CNOT10: variants seen among roughly 807,000 people sequenced by gnomAD.
The protein encoded by CNOT10 is CCR4-NOT transcription complex subunit 10, also known as CCR4-NOT transcription complex, subunit 10.
Under a neutral mutation model 94.6 loss-of-function variants are expected in CNOT10, and 30 were observed. That is an observed-to-expected ratio of 0.32 (90% CI 0.24 to 0.43). The LOEUF is 0.43. Ranked by LOEUF, CNOT10 falls within the 20% of genes least tolerant of loss-of-function variation. CNOT10 has a pLI of 1.00. For missense variants in CNOT10, 759 were observed against 877.2 expected (o/e 0.87, Z 1.70); for synonymous variants, 289 against 301.6 (o/e 0.96, Z 0.43).
intron 5 of CNOT10, 137 bp from the exon 6 acceptor site, chr3:32,716,088 T>G: frequency 2.0e-6 from 1 of 499,634 alleles, no homozygotes; most frequent in East Asian, 3.4e-5. Flanking sequence ...ATTACAGGCA[T>G]GAACCACCAT....
intron 13 of CNOT10, chr3:32,753,559 G>A (rs907729345): frequency 5.7e-6 from 9 of 1,586,030 alleles, no homozygotes; most frequent in Non-Finnish European, 6.9e-6. Flanking sequence ...GCCAGAGGCT[G>A]TGAGATGGGA....
At chr3:32,755,256 AGAAAG>A (rs1269435335) in intron 13 of CNOT10, among the ~76,000 whole-genome samples, 1 of 151,506 alleles carries the variant, frequency 6.6e-6, no homozygotes, top group Non-Finnish European at 1.5e-5. Flanking sequence ...CAAAAAAAAA[AGAAAG>A]AAAAGAAATT....
chr3:32,697,587 C>T (rs537020821), intron 1 of CNOT10, among the ~76,000 whole-genome samples: 3 of 152,288 alleles, frequency 2.0e-5, no homozygotes, highest in South Asian at 4.1e-4. Flanking sequence ...TATCCCACCT[C>T]ACCTCCCCAA....
chr3:32,724,779 G>C (rs190513244), intron 8 of CNOT10, among the ~76,000 whole-genome samples: 4 of 150,302 alleles, frequency 2.7e-5, no homozygotes, highest in Admixed American at 6.6e-5. Context: ...GGCTAGTCTC[G>C]AACTCCTGAC....
At chr3:32,686,546 C>T (rs572988912) in intron 1 of CNOT10, among the ~76,000 whole-genome samples, 2 of 152,178 alleles carry the variant, frequency 1.3e-5, no homozygotes, top group Admixed American at 1.3e-4. Flanking sequence ...AAGGAATGTG[C>T]TGTGAAATTT....
chr3:32,720,664 T>C (rs1319761047), intron 8 of CNOT10, among the ~76,000 whole-genome samples: 1 of 151,874 alleles, frequency 6.6e-6, no homozygotes, highest in African/African-American at 2.4e-5. Flanking sequence ...GGCTTATTTA[T>C]TGTAGAAACA....
intron 4 of CNOT10, among the ~76,000 whole-genome samples, chr3:32,711,551 G>A (rs545191189): frequency 1.3e-5 from 2 of 152,114 alleles, no homozygotes; most frequent in Non-Finnish European, 2.9e-5. Flanking sequence ...ATGAAGTAAA[G>A]CTAAAATTGA....
At chr3:32,716,353 T>A (rs1427581023) in intron 6 of CNOT10, 42 bp downstream of exon 6, 1 of 955,458 alleles carries the variant, frequency 1.0e-6, no homozygotes. Context: ...CACATATATT[T>A]AATTGTAGTT....
At chr3:32,758,366 G>A (rs963249176) in intron 13 of CNOT10, among the ~76,000 whole-genome samples, 1 of 152,128 alleles carries the variant, frequency 6.6e-6, no homozygotes, top group Non-Finnish European at 1.5e-5. Context: ...AAATTCTAGG[G>A]TAGTTTTCTA....
intron 18 of CNOT10, among the ~76,000 whole-genome samples, chr3:32,773,026 C>T (rs940323164): frequency 1.3e-5 from 2 of 152,084 alleles, no homozygotes; most frequent in African/African-American, 4.8e-5. Context: ...CCACCATGCC[C>T]AGCTAATTTT....
chr3:32,728,741 C>T (rs1698797533), intron 10 of CNOT10, among the ~76,000 whole-genome samples: 1 of 152,188 alleles, frequency 6.6e-6, no homozygotes, highest in Admixed American at 6.5e-5. Flanking sequence ...GGTCTGCTAG[C>T]TGCTCCAGGG....
At chr3:32,711,715 A>T (rs992476794) in intron 4 of CNOT10, among the ~76,000 whole-genome samples, 1 of 152,224 alleles carries the variant, frequency 6.6e-6, no homozygotes, top group South Asian at 2.1e-4. Flanking sequence ...GTAATGGGAT[A>T]TGGAGAAGAC....
At position 32,704,851 on chromosome 3, in the gene CNOT10, T is replaced by C; in HGVS notation, c.158T>C (p.Leu53Pro). The change falls in exon 3 of 19, where the codon CTA becomes CCA. Residue 53 changes from leucine to proline, a missense_variant. This residue lies in a region of CNOT10 where 682 missense variants were observed against 799.4 expected (regional missense o/e 0.85). Coordinates refer to ENST00000328834, the MANE Select transcript of CNOT10 (RefSeq NM_015442.3). Reference protein sequence around the residue: ...YDACLQHLACLQDINKDDYKI... With the variant: ...YDACLQHLACPQDINKDDYKI... Reference sequence around the variant, plus strand: ...GCCTGTCTACAACACCTTGCCTGTCTACAAGATATAAACAAAGATGATTAT... The same window carrying C: ...GCCTGTCTACAACACCTTGCCTGTCCACAAGATATAAACAAAGATGATTAT... 1 of 1,572,670 alleles carries C rather than the reference T, an allele frequency of 6.4e-7. No individual in the cohort carries two copies. The highest frequency in any genetic ancestry group is 2.3e-5 in the East Asian group (1 of 43,370).
chr3:32,713,141 C>A, intron 4 of CNOT10, 86 bp from the exon 5 acceptor site: 1 of 1,083,984 alleles, frequency 9.2e-7, no homozygotes, highest in Non-Finnish European at 1.3e-6. Flanking sequence ...CTATTTAAAG[C>A]TTTGTATACT....
At chr3:32,729,189 C>A (rs1295305660) in intron 10 of CNOT10, among the ~76,000 whole-genome samples, 2 of 152,176 alleles carry the variant, frequency 1.3e-5, no homozygotes, top group African/African-American at 4.8e-5. Context: ...GTAAATGATA[C>A]AGAGTTTATG....
chr3:32,701,558 T>C (rs1350583095), intron 1 of CNOT10, among the ~76,000 whole-genome samples: 1 of 152,170 alleles, frequency 6.6e-6, no homozygotes, highest in Non-Finnish European at 1.5e-5. Flanking sequence ...TCCCCCTTGC[T>C]GTACTGGTGA....
At chr3:32,729,027 C>T (rs1166852671) in intron 10 of CNOT10, among the ~76,000 whole-genome samples, 5 of 151,908 alleles carry the variant, frequency 3.3e-5, no homozygotes, top group African/African-American at 4.8e-5. Flanking sequence ...ACCCAGGAGG[C>T]GGAGCTTGCA....
chr3:32,697,336 A>G lies in CNOT10; in HGVS notation c.23-6532A>G, dbSNP rs147586911. Among the ~76,000 whole-genome samples, 170 of 152,272 alleles carry G rather than the reference A, an allele frequency of 1.1e-3. 1 individual carries two copies. The highest frequency in any genetic ancestry group is 3.7e-3 in the African/African-American group (153 of 41,554). On this transcript the variant is annotated intron_variant, in intron 1 of 18. Coordinates refer to ENST00000328834, the MANE Select transcript of CNOT10 (RefSeq NM_015442.3). ...TGGAGAATAGAAGCTCAAAATTTTC[A>G]ACACCTGGGTGAGTTGTTGGGTTTT...
intron 17 of CNOT10, among the ~76,000 whole-genome samples, chr3:32,768,106 T>G (rs1003804714): frequency 6.6e-6 from 1 of 152,152 alleles, no homozygotes; most frequent in Admixed American, 6.5e-5. Flanking sequence ...AGTAGATGTT[T>G]CCAAGGTTGC....
Sources: allele counts gnomAD v4.1 joint callset (sites outside exome capture counted in the v4.1 genomes callset), GRCh38; gene constraint gnomAD v4.1.1; regional missense constraint gnomAD v4.1.1; transcripts MANE v1.5; gene names NCBI Gene and HGNC (gene_info 2026-07-23, HGNC 2026-07-21).